Variants in OSCP1 observed in about 807,000 individuals in gnomAD.
OSCP1 encodes the protein organic solute carrier partner 1.
In OSCP1, 35 loss-of-function variants were observed where a neutral mutation model predicts 45.1. That is an observed-to-expected ratio of 0.78 (90% CI 0.59 to 1.03). The LOEUF (loss-of-function observed/expected upper bound fraction) is 1.03. Among genes scored for constraint, OSCP1 ranks in the 50% least tolerant of loss-of-function variants. OSCP1 has a pLI of 0.00. For synonymous variants in OSCP1, 179 were observed against 180.1 expected (o/e 0.99, Z 0.05); for missense variants, 400 against 470.7 (o/e 0.85, Z 1.39).
At chr1:36,424,817 T>A (rs1353739475) in intron 4 of OSCP1, among the ~76,000 whole-genome samples, 1 of 152,216 alleles carries the variant, frequency 6.6e-6, no homozygotes, top group African/African-American at 2.4e-5. Flanking sequence ...AAATAAGAGA[T>A]GAGCTTGAAG....
At chr1:36,443,360 C>T (rs1649314973) in intron 1 of OSCP1, among the ~76,000 whole-genome samples, 2 of 152,154 alleles carry the variant, frequency 1.3e-5, no homozygotes, top group Admixed American at 1.3e-4. Context: ...ACACACCACA[C>T]CCAAATGTCA....
chr1:36,449,157 C>A (rs1001318775), intron 1 of OSCP1, among the ~76,000 whole-genome samples: 23 of 152,188 alleles, frequency 1.5e-4, no homozygotes, highest in Middle Eastern at 3.2e-3. Context: ...GCGGCCATGT[C>A]AATTGCCTTT....
At chr1:36,446,176 C>A (rs1326538743) in intron 1 of OSCP1, among the ~76,000 whole-genome samples, 1 of 151,558 alleles carries the variant, frequency 6.6e-6, no homozygotes, top group African/African-American at 2.4e-5. Context: ...GCGCCTGCCA[C>A]CACAACAGGG....
intron 2 of OSCP1, among the ~76,000 whole-genome samples, chr1:36,435,298 A>G (rs533706111): frequency 2.9e-5 from 4 of 136,412 alleles, no homozygotes; most frequent in Non-Finnish European, 3.3e-5. Flanking sequence ...AGGTCTCACT[A>G]TGGTTTTTTT....
At chr1:36,440,124 CCTT>C (rs907104873) in intron 1 of OSCP1, among the ~76,000 whole-genome samples, 4 of 152,272 alleles carry the variant, frequency 2.6e-5, no homozygotes, top group South Asian at 2.1e-4. Flanking sequence ...TATAGAAATT[CCTT>C]CTTCTTTTGC....
At position 36,438,299 on chromosome 1, in the gene OSCP1, A is replaced by G. The variant is rs183997803; in HGVS notation, c.267+457T>C. On this transcript the variant is annotated intron_variant, in intron 2 of 9. Transcript: ENST00000235532. Reference sequence around the variant, plus strand: ...GCCATTGCACTCCAGCCTGGGCAACAAGAGCGAAACTCCATCTCAAAAAAA... The same window carrying G: ...GCCATTGCACTCCAGCCTGGGCAACGAGAGCGAAACTCCATCTCAAAAAAA... Among the ~76,000 whole-genome samples the G allele has an allele frequency of 1.3e-3, 192 of 143,278 alleles. 1 individual carries two copies. Among genetic ancestry groups the G allele is most frequent in the African/African-American group, 4.4e-3 (171 of 38,494 alleles). 94.0% of individuals were successfully genotyped at this position (143,278 alleles called of 152,430 possible).
At chr1:36,450,115 A>G (rs1014245157) in intron 1 of OSCP1, 143 bp downstream of exon 1, 8 of 670,870 alleles carry the variant, frequency 1.2e-5, no homozygotes, top group African/African-American at 1.1e-4. Flanking sequence ...AGGGGCTCCA[A>G]ATGGATGTGG....
At chr1:36,426,175 T>G (rs920355792) in intron 4 of OSCP1, among the ~76,000 whole-genome samples, 1 of 152,118 alleles carries the variant, frequency 6.6e-6, no homozygotes, top group Admixed American at 6.5e-5. Context: ...TTGGGAATAT[T>G]TATATGTGCT....
Position 36,423,530 on chromosome 1 carries a change from G to A in OSCP1, c.517-64C>T, listed in dbSNP as rs1647781826. 6.0e-6 allele frequency: 8 copies of A among 1,329,012 alleles called. No homozygotes were observed. The South Asian group carries it at 8.9e-5, about 15-fold the overall frequency. The allele number at this position is 1,329,012 out of a possible 1,614,324, so 82.3% of individuals were successfully genotyped here. On this transcript the variant is annotated intron_variant, in intron 4 of 9. Coordinates refer to ENST00000235532, the MANE Select transcript of OSCP1 (RefSeq NM_145047.5). ...ATTTTCATAGACATCAATATTCTGA[G>A]GGTGGAAAGTGCGTAATGGTTTGGG...
intron 4 of OSCP1, 59 bp downstream of exon 4, chr1:36,431,743 A>G: frequency 6.5e-7 from 1 of 1,544,216 alleles, no homozygotes. Context: ...CATGACTACC[A>G]GGGTTGTTTC....
intron 4 of OSCP1, among the ~76,000 whole-genome samples, chr1:36,427,958 C>T (rs183022732): frequency 9.2e-5 from 14 of 151,868 alleles, no homozygotes; most frequent in African/African-American, 1.4e-4. Flanking sequence ...GAGGCCGAGG[C>T]GGGTGGATTG....
intron 4 of OSCP1, among the ~76,000 whole-genome samples, chr1:36,429,058 C>T (rs1428621843): frequency 6.6e-6 from 1 of 152,062 alleles, no homozygotes; most frequent in Non-Finnish European, 1.5e-5. Context: ...TACAGGCACT[C>T]GCCACTGTGG....
intron 1 of OSCP1, among the ~76,000 whole-genome samples, chr1:36,448,631 G>C (rs975823403): frequency 1.3e-5 from 2 of 152,214 alleles, no homozygotes; most frequent in Admixed American, 1.3e-4. Flanking sequence ...GGCCCTTTCT[G>C]CATATGGGGA....
rs1647561805 is a variant in OSCP1 at position 36,420,596 on chromosome 1, G to A, written c.839C>T (p.Pro280Leu). The stretch of plus-strand genomic sequence containing the variant: ...GAAATTCAGCTCTTCTTTAGCAAGA[G>A]GGTTTGGAGCAATGCTTTCCTGCAG... ...SWTQESIAPNPLAKEELNFLA... is the reference protein window; with the variant it reads ...SWTQESIAPNLLAKEELNFLA... The change falls in exon 8 of 10, where the codon CCT becomes CTT. Residue 280 changes from proline (P) to leucine (L), a missense_variant. Physicochemically the swap from Pro to Leu is moderately conservative, Grantham distance 98 (BLOSUM62 -3). Transcript: ENST00000235532. 2 of 1,613,940 alleles carry A rather than the reference G, an allele frequency of 1.2e-6. No homozygotes were observed.
At chr1:36,443,436 C>T (rs1288248707) in intron 1 of OSCP1, among the ~76,000 whole-genome samples, 1 of 152,242 alleles carries the variant, frequency 6.6e-6, no homozygotes, top group Non-Finnish European at 1.5e-5. Context: ...TCTGAGGAGT[C>T]GACAACTTTT....
At chr1:36,418,762 C>CAA (rs34581789) in intron 9 of OSCP1, among the ~76,000 whole-genome samples, 19 of 136,654 alleles carry the variant, frequency 1.4e-4, no homozygotes, top group African/African-American at 4.8e-4. Flanking sequence ...ACTAAAAATA[C>CAA]AAAAAAAAAA....
intron 4 of OSCP1, among the ~76,000 whole-genome samples, chr1:36,430,621 G>A (rs1347801897): frequency 1.3e-5 from 2 of 152,088 alleles, no homozygotes; most frequent in Non-Finnish European, 2.9e-5. Context: ...AAGGAAAAGA[G>A]GGTGTAGATA....
intron 8 of OSCP1, 36 bp downstream of exon 8, chr1:36,420,440 T>C: frequency 6.3e-7 from 1 of 1,589,164 alleles, no homozygotes; most frequent in South Asian, 1.1e-5. Flanking sequence ...GCTTGGGATT[T>C]TTATATGTCT....
chr1:36,442,728 C>T (rs1649277527), intron 1 of OSCP1, among the ~76,000 whole-genome samples: 1 of 152,174 alleles, frequency 6.6e-6, no homozygotes, highest in Admixed American at 6.5e-5. Context: ...TTCTATGTCC[C>T]AGGCACTGGG....
Sources: gnomAD v4.1 joint callset for allele counts (sites outside exome capture counted in the v4.1 genomes callset) on GRCh38, gnomAD v4.1.1 for gene constraint, MANE v1.5 for transcripts, NCBI Gene and HGNC (gene_info 2026-07-23, HGNC 2026-07-21) for gene names.